ADARB2: variants seen among roughly 807,000 people sequenced by gnomAD.
ADARB2 encodes the protein inactive double-stranded RNA-specific editase B2.
ADARB2 carries 25 observed loss-of-function variants against 62.2 expected under a neutral mutation model. The ratio of observed to expected loss-of-function variants is 0.40; its 90% CI spans 0.29 to 0.56. The LOEUF is 0.56. Ranked by LOEUF, ADARB2 falls within the 20% of genes least tolerant of loss-of-function variation. The pLI is 0.43. For missense variants in ADARB2, 1,071 were observed against 1,077.4 expected, an observed-to-expected ratio of 0.99 and a Z score of 0.08; for synonymous variants, 572 against 500.8, an observed-to-expected ratio of 1.14 and a Z score of -1.90.
At position 1,477,478 on chromosome 10, in the gene ADARB2, C is replaced by T. The variant is rs2131921709; in HGVS notation, c.101-98318G>A. ...CCCTTTTCTGCTGTGCTGCCCATTG[C>T]TTTCTTGCAACGTATCTTCGTGCTT... On this transcript the variant is annotated intron_variant, in intron 1 of 9. Transcript: ENST00000381312. This position sits in a 1 kb window ranked among gnomAD's most constrained non-coding sequence, Gnocchi z 4.5. Among the ~76,000 whole-genome samples the T allele has an allele frequency of 6.6e-6, 1 of 152,286 alleles. No homozygotes were observed. Among genetic ancestry groups the T allele is most frequent in the African/African-American group, 2.4e-5 (1 of 41,566 alleles).
At chr10:1,199,188 T>A (rs148895446) in intron 8 of ADARB2, among the ~76,000 whole-genome samples, 317 of 151,994 alleles carry the variant, frequency 2.1e-3, no homozygotes, top group African/African-American at 7.0e-3. Context: ...AGGCCCAGCA[T>A]GAGGCTGGCG....
At chr10:1,424,163 G>A (rs1438848413) in intron 1 of ADARB2, among the ~76,000 whole-genome samples, 2 of 152,160 alleles carry the variant, frequency 1.3e-5, no homozygotes, top group Non-Finnish European at 2.9e-5. Context: ...TATGTATGCA[G>A]TAGGTCCACT....
intron 3 of ADARB2, among the ~76,000 whole-genome samples, chr10:1,272,360 G>A (rs747502369): frequency 1.3e-4 from 20 of 152,162 alleles, no homozygotes; most frequent in Admixed American, 1.1e-3. Context: ...GATTAATAAC[G>A]CTAAGAAAGA....
intron 9 of ADARB2, among the ~76,000 whole-genome samples, chr10:1,183,797 C>T (rs1408171018): frequency 6.6e-6 from 1 of 152,144 alleles, no homozygotes; most frequent in Non-Finnish European, 1.5e-5. Flanking sequence ...CAAAGCTTTG[C>T]AGCAACACAA....
At chr10:1,343,584 G>A (rs1418440651) in intron 3 of ADARB2, among the ~76,000 whole-genome samples, 1 of 152,170 alleles carries the variant, frequency 6.6e-6, no homozygotes, top group Non-Finnish European at 1.5e-5. Flanking sequence ...CATGTCCATC[G>A]CAGCACTATT....
chr10:1,669,957 C>T (rs1834363053), intron 1 of ADARB2, among the ~76,000 whole-genome samples: 1 of 152,116 alleles, frequency 6.6e-6, no homozygotes, highest in Admixed American at 6.5e-5. Context: ...CACATGCAGA[C>T]ACACAGACAC....
chr10:1,457,778 G>T (rs1831113391), intron 1 of ADARB2, among the ~76,000 whole-genome samples: 2 of 152,046 alleles, frequency 1.3e-5, no homozygotes, highest in African/African-American at 2.4e-5. Context: ...CCTGTTTCTA[G>T]CCCTAAGACT....
intron 1 of ADARB2, among the ~76,000 whole-genome samples, chr10:1,543,123 T>G (rs375598553): frequency 2.6e-5 from 4 of 152,278 alleles, no homozygotes; most frequent in South Asian, 4.1e-4. Context: ...CGGTGTGGGG[T>G]GGCTTCCCTG....
At chr10:1,279,376 C>T (rs1051936237) in intron 3 of ADARB2, among the ~76,000 whole-genome samples, 10 of 152,170 alleles carry the variant, frequency 6.6e-5, no homozygotes, top group African/African-American at 1.9e-4. Flanking sequence ...AGCGCAGTGG[C>T]GTGATCATAG....
Position 1,707,729 on chromosome 10 carries a change from A to G in ADARB2, c.100+29322T>C, listed in dbSNP as rs185395624. ...AGACTTCTCCAAATGTATACATTTC[A>G]TCTCCTTTCTTTATAAACTAGACAT... is the stretch of plus-strand genomic sequence containing the variant. On this transcript the variant is annotated intron_variant, in intron 1 of 9. Transcript: ENST00000381312. 1.2e-3 allele frequency among the ~76,000 whole-genome samples: 180 copies of G among 152,292 alleles called. 1 individual carries two copies. The highest frequency in any genetic ancestry group is 2.0e-3 in the Admixed American group (31 of 15,304).
intron 1 of ADARB2, among the ~76,000 whole-genome samples, chr10:1,405,455 C>T (rs1832699255): frequency 6.6e-6 from 1 of 151,936 alleles, no homozygotes; most frequent in African/African-American, 2.4e-5. Flanking sequence ...CGTGGCAAAA[C>T]CCTGTCTCTA....
intron 3 of ADARB2, among the ~76,000 whole-genome samples, chr10:1,347,937 T>C (rs917076670): frequency 1.4e-5 from 2 of 143,660 alleles, no homozygotes; most frequent in Admixed American, 1.4e-4. Flanking sequence ...GAGACAGAGA[T>C]AGAGAGAGAT....
intron 3 of ADARB2, among the ~76,000 whole-genome samples, chr10:1,282,641 G>T (rs1443916211): frequency 6.6e-6 from 1 of 152,164 alleles, no homozygotes; most frequent in Non-Finnish European, 1.5e-5. Context: ...CAACTAATCA[G>T]ACTTTGCAAT....
chr10:1,466,504 A>G (rs1480245386), intron 1 of ADARB2, among the ~76,000 whole-genome samples: 2 of 152,048 alleles, frequency 1.3e-5, no homozygotes, highest in African/African-American at 2.4e-5. Flanking sequence ...ATGGTGGGGG[A>G]TGAAAAACGT....
At position 1,545,661 on chromosome 10, in the gene ADARB2, G is replaced by A. The variant is rs1023557886; in HGVS notation, c.101-166501C>T. On this transcript the variant is annotated intron_variant, in intron 1 of 9. Coordinates refer to ENST00000381312, the MANE Select transcript of ADARB2 (RefSeq NM_018702.4). ...AGCAGCCAAGGGGTATTACCTGTTCGTGGGTGTGGGCAGCCTTGGCAGGGA... is the reference window on the plus strand; with the variant it reads ...AGCAGCCAAGGGGTATTACCTGTTCATGGGTGTGGGCAGCCTTGGCAGGGA... Among the ~76,000 whole-genome samples, 4 of 152,162 alleles carry A rather than the reference G, an allele frequency of 2.6e-5. No individual in the cohort carries two copies. In the South Asian group the frequency reaches 6.2e-4, roughly 24 times the overall value.
chr10:1,346,664 G>C (rs1832083645), intron 3 of ADARB2, among the ~76,000 whole-genome samples: 1 of 152,252 alleles, frequency 6.6e-6, no homozygotes, highest in African/African-American at 2.4e-5. Flanking sequence ...GCAAGAGCAA[G>C]GCCATCAGAG....
chr10:1,330,324 C>T (rs992606807), intron 3 of ADARB2, among the ~76,000 whole-genome samples: 4 of 152,174 alleles, frequency 2.6e-5, no homozygotes, highest in African/African-American at 9.7e-5. Flanking sequence ...ATGATATGCA[C>T]CCCAAGTACT....
chr10:1,654,291 G>A (rs1404956090), intron 1 of ADARB2, among the ~76,000 whole-genome samples: 2 of 152,122 alleles, frequency 1.3e-5, no homozygotes, highest in Non-Finnish European at 2.9e-5. Context: ...GTGGCCATGG[G>A]GACAGGAAGT....
At chr10:1,597,263 T>C (rs571421615) in intron 1 of ADARB2, among the ~76,000 whole-genome samples, 41 of 152,230 alleles carry the variant, frequency 2.7e-4, no homozygotes, top group Non-Finnish European at 5.3e-4. Context: ...ATAGCAAAAA[T>C]GAAGCAGATA....
Sources: gnomAD v4.1 joint callset for allele counts (sites outside exome capture counted in the v4.1 genomes callset) on GRCh38, gnomAD v4.1.1 for gene constraint, Gnocchi (gnomAD v3.1) non-coding constraint, MANE v1.5 for transcripts, NCBI Gene and HGNC (gene_info 2026-07-23, HGNC 2026-07-21) for gene names.